The following BMP5 variants were observed in gnomAD, a reference collection of about 807,000 sequenced individuals.
BMP5 encodes the protein bone morphogenetic protein 5.
A neutral mutation model predicts 46.6 loss-of-function variants in BMP5; 23 were observed. The ratio of observed to expected loss-of-function variants is 0.49; its 90% confidence interval spans 0.35 to 0.70. The LOEUF is 0.70. Among genes scored for constraint, BMP5 ranks in the 30% least tolerant of loss-of-function variants. BMP5 has a pLI of 0.00. For synonymous variants in BMP5, 204 were observed against 191.9 expected (o/e 1.06, Z -0.52); for missense variants, 545 against 565.6 (o/e 0.96, Z 0.37).
rs140823469 is a variant in BMP5 at position 55,874,720 on chromosome 6, C to T, written c.146G>A (p.Arg49Gln). 43 of 1,613,322 alleles carry T rather than the reference C, an allele frequency of 2.7e-5. No individual in the cohort carries two copies. The highest frequency in any genetic ancestry group is 6.7e-5 in the Admixed American group (4 of 59,884). Reference protein sequence around the residue: ...IYRRLRNHERREIQREILSIL... With the variant: ...IYRRLRNHERQEIQREILSIL... ...AGAGAGAATTTCCCTTTGTATTTCC[C>T]GTCTTTCGTGGTTCCGTAGTCTTCT... Residue 49 changes from arginine to glutamine, a missense_variant, in exon 1 of 7, where the codon CGG becomes CAG. Coordinates refer to ENST00000370830, the MANE Select transcript of BMP5 (RefSeq NM_021073.4).
chr6:55,863,463 A>G (rs1777569707), intron 1 of BMP5, among the ~76,000 whole-genome samples: 1 of 152,196 alleles, frequency 6.6e-6, no homozygotes, highest in Non-Finnish European at 1.5e-5. Context: ...TTACATCAAT[A>G]CATTGGCAGA....
At chr6:55,874,291 GACCAC>G (rs1435159105) in intron 1 of BMP5, 80 bp downstream of exon 1, 1 of 1,562,564 alleles carries the variant, frequency 6.4e-7, no homozygotes, top group African/African-American at 1.4e-5. Flanking sequence ...ATATAAACAT[GACCAC>G]CTACCAAGCA....
At chr6:55,868,135 A>G (rs1464532876) in intron 1 of BMP5, among the ~76,000 whole-genome samples, 5 of 152,200 alleles carry the variant, frequency 3.3e-5, no homozygotes, top group African/African-American at 1.2e-4. Flanking sequence ...GATTTTGTAC[A>G]TGTTAATAAA....
At chr6:55,777,511 A>C (rs1775205503) in intron 3 of BMP5, among the ~76,000 whole-genome samples, 1 of 151,984 alleles carries the variant, frequency 6.6e-6, no homozygotes, top group Non-Finnish European at 1.5e-5. Flanking sequence ...TTGAATATAC[A>C]GTGGAAATGA....
At chr6:55,872,307 C>A (rs1462643456) in intron 1 of BMP5, among the ~76,000 whole-genome samples, 1 of 151,460 alleles carries the variant, frequency 6.6e-6, no homozygotes, top group Non-Finnish European at 1.5e-5. Flanking sequence ...AAAGAAGAAA[C>A]AACATAGTTT....
At position 55,795,156 on chromosome 6, in the gene BMP5, T is replaced by C. The variant is rs145621460; in HGVS notation, c.684-729A>G. The stretch of plus-strand genomic sequence containing the variant: ...TTGCTGAATCTTAATTTTAGCATTA[T>C]ATTTATAAATGTATAAACATTTGTT... On this transcript the variant is annotated intron_variant, in intron 2 of 6. Coordinates refer to ENST00000370830, the MANE Select transcript of BMP5 (RefSeq NM_021073.4). Among the ~76,000 whole-genome samples the C allele has an allele frequency of 6.8e-3, 1,036 of 152,288 alleles. 13 individuals carry two copies. Among genetic ancestry groups the C allele is most frequent in the African/African-American group, 0.024 (977 of 41,574 alleles).
At chr6:55,851,137 C>T (rs77193448) in intron 1 of BMP5, among the ~76,000 whole-genome samples, 25 of 140,556 alleles carry the variant, frequency 1.8e-4, no homozygotes, top group East Asian at 2.1e-4. Flanking sequence ...TTTTGTTTTG[C>T]TTTTTTTTTT....
At chr6:55,841,743 A>G (rs1049935533) in intron 1 of BMP5, among the ~76,000 whole-genome samples, 71 of 152,264 alleles carry the variant, frequency 4.7e-4, no homozygotes, top group Admixed American at 1.5e-3. Flanking sequence ...CTCTTTTTAT[A>G]AAGACATTAG....
intron 1 of BMP5, among the ~76,000 whole-genome samples, chr6:55,862,380 C>G (rs1329769814): frequency 6.6e-6 from 1 of 152,118 alleles, no homozygotes; most frequent in African/African-American, 2.4e-5. Flanking sequence ...GTCCTTATAC[C>G]AATTCTCAGA....
At chr6:55,867,391 CAACAA>C (rs1214729375) in intron 1 of BMP5, among the ~76,000 whole-genome samples, 20 of 152,082 alleles carry the variant, frequency 1.3e-4, no homozygotes, top group African/African-American at 3.6e-4. Context: ...TGTTTTGCTG[CAACAA>C]AACAAAACAA....
At chr6:55,792,356 A>G (rs974006987) in intron 3 of BMP5, among the ~76,000 whole-genome samples, 2 of 152,030 alleles carry the variant, frequency 1.3e-5, no homozygotes, top group Admixed American at 6.6e-5. Context: ...ACACGGTGAA[A>G]CCCCGTCTCT....
chr6:55,822,185 G>A (rs1776424530), intron 1 of BMP5, among the ~76,000 whole-genome samples: 1 of 152,100 alleles, frequency 6.6e-6, no homozygotes, highest in African/African-American at 2.4e-5. Flanking sequence ...TAAATGTCAG[G>A]ATATGCTGCG....
chr6:55,756,559 C>G (rs964186536), intron 6 of BMP5, among the ~76,000 whole-genome samples: 10 of 151,942 alleles, frequency 6.6e-5, no homozygotes, highest in Non-Finnish European at 1.5e-4. Flanking sequence ...GCCCTTCCCC[C>G]AGAGGAGTTT....
chr6:55,851,273 G>A (rs1028933994), intron 1 of BMP5, among the ~76,000 whole-genome samples: 5 of 151,680 alleles, frequency 3.3e-5, no homozygotes, highest in Admixed American at 6.6e-5. Flanking sequence ...GGATGATTGC[G>A]CTTTAAAACA....
intron 2 of BMP5, among the ~76,000 whole-genome samples, chr6:55,819,106 A>T (rs916343655): frequency 2.6e-5 from 4 of 152,196 alleles, no homozygotes; most frequent in Non-Finnish European, 4.4e-5. Context: ...ACTTATTTTC[A>T]ATGGTTCATT....
At chr6:55,772,631 T>G in intron 4 of BMP5, 1 of 514,108 alleles carries the variant, frequency 1.9e-6, no homozygotes, top group Non-Finnish European at 2.5e-6. Flanking sequence ...TACAGCTTTT[T>G]GCCAAACTAA....
chr6:55,842,178 T>C (rs1776977773), intron 1 of BMP5, among the ~76,000 whole-genome samples: 1 of 152,198 alleles, frequency 6.6e-6, no homozygotes, highest in South Asian at 2.1e-4. Flanking sequence ...GTGAATCCTC[T>C]TAGTCCCGTC....
At chr6:55,811,648 T>C (rs1211352095) in intron 2 of BMP5, among the ~76,000 whole-genome samples, 1 of 151,988 alleles carries the variant, frequency 6.6e-6, no homozygotes, top group African/African-American at 2.4e-5. Flanking sequence ...CCTCTCTCTC[T>C]CTGTCTCTCT....
intron 2 of BMP5, among the ~76,000 whole-genome samples, chr6:55,805,123 A>C (rs975092025): frequency 2.6e-5 from 4 of 152,206 alleles, no homozygotes; most frequent in Non-Finnish European, 5.9e-5. Flanking sequence ...TATCAAGAGT[A>C]CTATATTATA....
Sources: allele counts gnomAD v4.1 joint callset (sites outside exome capture counted in the v4.1 genomes callset), GRCh38; gene constraint gnomAD v4.1.1; transcripts MANE v1.5; gene names NCBI Gene and HGNC (gene_info 2026-07-23, HGNC 2026-07-21).